KDM5B: variants seen among roughly 807,000 people sequenced by gnomAD.
KDM5B encodes lysine demethylase 5B.
KDM5B carries 144 observed loss-of-function variants against 193.4 expected under a neutral mutation model. The observed-to-expected ratio is 0.74, with a 90% CI of 0.65 to 0.86. The LOEUF (loss-of-function observed/expected upper bound fraction) is 0.86, where lower values mean the gene tolerates loss of function less well. Ranked by LOEUF, KDM5B falls within the 40% of genes least tolerant of loss-of-function variation. The pLI is 0.00. For synonymous variants in KDM5B, 668 were observed against 682.6 expected (o/e 0.98, Z 0.33); for missense variants, 1,833 against 1,886.9 (o/e 0.97, Z 0.53).
intron 12 of KDM5B, among the ~76,000 whole-genome samples, chr1:202,751,772 A>G (rs955898070): frequency 2.6e-5 from 4 of 152,314 alleles, no homozygotes; most frequent in Middle Eastern, 3.4e-3. Context: ...TCATTCATCT[A>G]TCTCTGTAGG....
Position 202,733,549 on chromosome 1 carries a change from T to C in KDM5B, c.3761A>G (p.Tyr1254Cys). The change falls in exon 23 of 27, where the codon TAT (tyrosine) becomes TGT (cysteine). Residue 1254 changes from tyrosine to cysteine, a missense_variant. This residue lies in a region of KDM5B where 1,379 missense variants were observed against 1,349.6 expected (regional missense o/e 1.02). Coordinates refer to ENST00000367265, the MANE Select transcript of KDM5B (RefSeq NM_006618.5). ...VRLPEGDALR[Y>C]MIERTVNWQH... is the part of the protein sequence containing the mutation. Reference sequence around the variant, plus strand: ...CCAGTTCACGGTTCTTTCAATCATATATCGAAGTGCATCTCCCTCAGGAAG... The same window carrying C: ...CCAGTTCACGGTTCTTTCAATCATACATCGAAGTGCATCTCCCTCAGGAAG... The C allele has an allele frequency of 1.2e-6, 2 of 1,614,152 alleles. No homozygotes were observed. The highest frequency in any genetic ancestry group is 1.7e-6 in the Non-Finnish European group (2 of 1,180,020).
intron 1 of KDM5B, among the ~76,000 whole-genome samples, chr1:202,787,422 G>A (rs76228825): frequency 7.3e-4 from 111 of 152,256 alleles, no homozygotes; most frequent in African/African-American, 2.6e-3. Flanking sequence ...TGTATCTATA[G>A]ATTTTTTATC....
intron 6 of KDM5B, among the ~76,000 whole-genome samples, chr1:202,763,377 T>C (rs756934819): frequency 6.6e-5 from 10 of 152,186 alleles, no homozygotes; most frequent in Non-Finnish European, 7.4e-5. Flanking sequence ...AGAAAACTGA[T>C]GTTAAAGTAA....
intron 4 of KDM5B, among the ~76,000 whole-genome samples, chr1:202,768,440 G>C (rs934994779): frequency 6.6e-6 from 1 of 152,140 alleles, no homozygotes; most frequent in Non-Finnish European, 1.5e-5. Context: ...TATGAGCATA[G>C]TTACTACCAT....
At chr1:202,803,224 C>G (rs1658147798) in intron 1 of KDM5B, among the ~76,000 whole-genome samples, 1 of 152,048 alleles carries the variant, frequency 6.6e-6, no homozygotes, top group Non-Finnish European at 1.5e-5. Flanking sequence ...AAAGGTAATT[C>G]TCTACTCATT....
At chr1:202,754,804 C>A (rs1174142322) in intron 11 of KDM5B, among the ~76,000 whole-genome samples, 1 of 152,206 alleles carries the variant, frequency 6.6e-6, no homozygotes, top group African/African-American at 2.4e-5. Context: ...CCTCCCTCCA[C>A]CTCCCAAGTA....
At position 202,731,956 on chromosome 1, in the gene KDM5B, GT is replaced by G; in HGVS notation, c.3910-18del. ...TTGAGATACCTAATGGAGGGAAAAC[GT>G]TTTATAATAAAATCTCTTCAGGATT... On this transcript the variant is annotated intron_variant, in intron 23 of 26. Coordinates refer to ENST00000367265, the MANE Select transcript of KDM5B (RefSeq NM_006618.5). 6.9e-7 allele frequency: 1 copy of G among 1,439,342 alleles called. No individual in the cohort carries two copies. The highest frequency in any genetic ancestry group is 9.5e-7 in the Non-Finnish European group (1 of 1,052,408). The allele number at this position is 1,439,342 out of a possible 1,614,324, so 89.2% of individuals were successfully genotyped here. A position where few individuals can be genotyped will look rare whatever the true frequency, so the allele number is the denominator to read the frequency against.
chr1:202,799,762 T>C (rs1250076920), intron 1 of KDM5B, among the ~76,000 whole-genome samples: 4 of 152,044 alleles, frequency 2.6e-5, no homozygotes, highest in Admixed American at 6.5e-5. Context: ...TGCAAAATAA[T>C]AGTTAAATTT....
At position 202,729,941 on chromosome 1, in the gene KDM5B, A is replaced by G. The variant is rs906459613; in HGVS notation, c.4263T>C (p.Ser1421=). 6.2e-7 allele frequency: 1 copy of G among 1,613,864 alleles called. No homozygotes were observed. The highest frequency in any genetic ancestry group is 8.5e-7 in the Non-Finnish European group (1 of 1,179,958). ...KRRLEREGLS[S]ERWERVKKMR... Reference sequence around the variant, plus strand: ...TTTTCTTAACTCGTTCCCACCGCTCACTGGAGAGGCCCTCTCTTTCCAGGC... The same window carrying G: ...TTTTCTTAACTCGTTCCCACCGCTCGCTGGAGAGGCCCTCTCTTTCCAGGC... The change falls in exon 26 of 27, where the codon AGT becomes AGC. Residue 1421 remains serine (S), a synonymous_variant. Coordinates refer to ENST00000367265, the MANE Select transcript of KDM5B (RefSeq NM_006618.5).
In KDM5B at chr1:202,766,933, C is replaced by T. The variant is rs561237645; in HGVS notation, c.704G>A (p.Arg235Lys). ...CPPARRAKRM[R>K]AEAMNIKIEP... ...ACCTCATGAGGCTCTTACCTCTGCT[C>T]TCATGCGTTTTGCTCGTCGGGCTGG... Residue 235 changes from arginine (R) to lysine (K), a missense_variant, in exon 5 of 27, where the codon AGA becomes AAA. This residue lies in a region of KDM5B where 355 missense variants were observed against 374.9 expected (regional missense o/e 0.95). Coordinates refer to ENST00000367265, the MANE Select transcript of KDM5B (RefSeq NM_006618.5). The T allele has an allele frequency of 6.3e-7, 1 of 1,579,478 alleles. No homozygotes were observed. Among genetic ancestry groups the T allele is most frequent in the South Asian group, 1.2e-5 (1 of 84,606 alleles).
intron 13 of KDM5B, 58 bp downstream of exon 13, chr1:202,750,601 C>T (rs1655749958): frequency 6.3e-7 from 1 of 1,576,278 alleles, no homozygotes; most frequent in Admixed American, 1.7e-5. Flanking sequence ...ACATTATATT[C>T]CATTTCCTCA....
Position 202,760,429 on chromosome 1 carries a change from T to A in KDM5B, c.1063A>T (p.Lys355Ter). The change falls in exon 8 of 27, where the codon AAG becomes TAG. Residue 355 changes from lysine to a stop codon, truncating the protein, a stop_gained. Transcript: ENST00000367265. LOFTEE classifies it high-confidence loss of function. ...TTAATTATTACCTGAGCCAAACACT[T>A]AGGACACCTCCAGTCTCCCTTGGGA... is the stretch of plus-strand genomic sequence containing the variant. Reference protein sequence around the residue: ...DVPKGDWRCPKCLAQECSKPQ... With the variant: ...DVPKGDWRCP 1 of 1,607,536 alleles carries A rather than the reference T, an allele frequency of 6.2e-7. No individual in the cohort carries two copies. The highest frequency in any genetic ancestry group is 8.5e-7 in the Non-Finnish European group (1 of 1,177,104).
intron 1 of KDM5B, among the ~76,000 whole-genome samples, chr1:202,783,133 C>T (rs1482893768): frequency 6.6e-6 from 1 of 152,134 alleles, no homozygotes; most frequent in Non-Finnish European, 1.5e-5. Flanking sequence ...GATAAAATAC[C>T]TCTCTCATTC....
intron 13 of KDM5B, among the ~76,000 whole-genome samples, chr1:202,749,565 A>G (rs1024396590): frequency 6.6e-6 from 1 of 150,514 alleles, no homozygotes; most frequent in Admixed American, 6.7e-5. Flanking sequence ...GAAAAAATTT[A>G]AAAAACAAAC....
chr1:202,784,366 ACAT>A (rs887119211), intron 1 of KDM5B, among the ~76,000 whole-genome samples: 16 of 152,320 alleles, frequency 1.1e-4, no homozygotes, highest in African/African-American at 3.8e-4. Flanking sequence ...ACCAAGAATA[ACAT>A]CAACTAAGGA....
At chr1:202,804,475 A>C (rs2102353583) in intron 1 of KDM5B, among the ~76,000 whole-genome samples, 1 of 152,330 alleles carries the variant, frequency 6.6e-6, no homozygotes, top group South Asian at 2.1e-4. Flanking sequence ...AATGAGCTCC[A>C]TATCATTAAC....
intron 3 of KDM5B, among the ~76,000 whole-genome samples, chr1:202,773,933 C>T (rs541726946): frequency 2.0e-5 from 3 of 152,088 alleles, no homozygotes; most frequent in South Asian, 2.1e-4. Context: ...GACGGGGTTT[C>T]GACATGTTGG....
chr1:202,762,562 TTTA>T, intron 7 of KDM5B, 134 bp downstream of exon 7: 1 of 654,240 alleles, frequency 1.5e-6, no homozygotes, highest in Non-Finnish European at 2.8e-6. Context: ...AGAAGATATT[TTTA>T]TTGTCAGACA....
chr1:202,764,795 A>G (rs553406693), intron 5 of KDM5B, among the ~76,000 whole-genome samples: 10 of 151,636 alleles, frequency 6.6e-5, no homozygotes, highest in African/African-American at 2.2e-4. Context: ...GCCTGCCATA[A>G]TGGCAAAACC....
Sources: allele counts gnomAD v4.1 joint callset (sites outside exome capture counted in the v4.1 genomes callset), GRCh38; gene constraint gnomAD v4.1.1; regional missense constraint gnomAD v4.1.1; transcripts MANE v1.5; gene names NCBI Gene and HGNC (gene_info 2026-07-23, HGNC 2026-07-21).